ZNF730: variants seen among roughly 807,000 people sequenced by gnomAD.
The protein encoded by ZNF730 is putative zinc finger protein 730.
In ZNF730, 12 loss-of-function variants were observed where a neutral mutation model predicts 12.6. The observed-to-expected ratio is 0.95, with a 90% CI of 0.61 to 1.54. The LOEUF is 1.54. Ranked by LOEUF, ZNF730 falls within the 40% of genes most tolerant of loss-of-function variation. The pLI is 0.00. For missense variants in ZNF730, 643 were observed against 583.5 expected, an observed-to-expected ratio of 1.10 and a Z score of -1.05; for synonymous variants, 194 against 195.8, an observed-to-expected ratio of 0.99 and a Z score of 0.08.
chr19:23,128,328 G>C, intron 1 of ZNF730: 3 of 604,318 alleles, frequency 5.0e-6, no homozygotes, highest in South Asian at 4.9e-5. Context: ...ATGGTTACAG[G>C]AAACAGTTCT....
intron 1 of ZNF730, among the ~76,000 whole-genome samples, chr19:23,082,905 G>A (rs927330877): frequency 1.3e-5 from 2 of 151,926 alleles, no homozygotes; most frequent in Non-Finnish European, 2.9e-5. Flanking sequence ...CTGCACGTTG[G>A]TCAGGCTGGT....
intron 1 of ZNF730, among the ~76,000 whole-genome samples, chr19:23,102,444 T>C (rs1237267000): frequency 1.3e-5 from 2 of 152,116 alleles, no homozygotes; most frequent in Non-Finnish European, 2.9e-5. Context: ...GTAAAATGCC[T>C]TGGTCTAGCT....
intron 3 of ZNF730, 185 bp downstream of exon 3, chr19:23,136,228 T>A: frequency 2.8e-6 from 1 of 360,456 alleles, no homozygotes; most frequent in Non-Finnish European, 4.5e-6. Flanking sequence ...TTTTGTTTTA[T>A]CTTTTTTAAA....
At chr19:23,085,140 T>G (rs1437793445) in intron 1 of ZNF730, among the ~76,000 whole-genome samples, 1 of 152,216 alleles carries the variant, frequency 6.6e-6, no homozygotes, top group Non-Finnish European at 1.5e-5. Flanking sequence ...ATTTTGCTTT[T>G]TTAAAATAGC....
In ZNF730 at chr19:23,145,638, G is replaced by C. The variant is rs1414678151; in HGVS notation, c.594G>C (p.Glu198Asp). The part of the protein sequence containing the change: ...LAQHKKIHTG[E>D]KSYKCEEYGK... Reference sequence around the variant, plus strand: ...AACATAAAAAAATTCATACTGGAGAGAAATCCTACAAATGTGAAGAATATG... The same window carrying C: ...AACATAAAAAAATTCATACTGGAGACAAATCCTACAAATGTGAAGAATATG... The change falls in exon 4 of 4, where the codon GAG becomes GAC. Residue 198 changes from glutamate (E) to aspartate (D), a missense_variant. By Grantham distance (45) the Glu-to-Asp change is conservative. Coordinates refer to ENST00000597761, the MANE Select transcript of ZNF730 (RefSeq NM_001277403.2). 1 of 1,552,378 alleles carries C rather than the reference G, an allele frequency of 6.4e-7. No individual in the cohort carries two copies. The highest frequency in any genetic ancestry group is 1.2e-5 in the South Asian group (1 of 83,114).
intron 1 of ZNF730, among the ~76,000 whole-genome samples, chr19:23,088,959 A>G (rs1599569877): frequency 1.3e-5 from 2 of 148,270 alleles, no homozygotes; most frequent in African/African-American, 2.5e-5. Flanking sequence ...CACAACCTCC[A>G]CCTCCCGGGT....
intron 1 of ZNF730, among the ~76,000 whole-genome samples, chr19:23,131,756 C>T (rs373497315): frequency 5.0e-4 from 76 of 152,040 alleles, no homozygotes; most frequent in Non-Finnish European, 9.3e-4. Flanking sequence ...CTTTCAAAAC[C>T]TGCAGAATCA....
upstream of ZNF730, among the ~76,000 whole-genome samples, chr19:23,116,367 TTTTC>T (rs373696332): frequency 1.7e-3 from 256 of 148,872 alleles, no homozygotes; most frequent in African/African-American, 5.8e-3. Flanking sequence ...TCTTTCTCTC[TTTTC>T]TTTCTTTCTT....
chr19:23,133,547 G>T (rs1970774353), intron 1 of ZNF730, among the ~76,000 whole-genome samples: 1 of 152,054 alleles, frequency 6.6e-6, no homozygotes, highest in Non-Finnish European at 1.5e-5. Context: ...TCTCTGTGTT[G>T]GTCAGGCTGG....
At chr19:23,117,326 C>T (rs1187002630) in intron 1 of ZNF730, 150 bp downstream of exon 1, 9 of 1,463,872 alleles carry the variant, frequency 6.1e-6, no homozygotes, top group Non-Finnish European at 8.4e-6. Flanking sequence ...TCCCCTTCAG[C>T]CATACGATGG....
At chr19:23,090,682 C>T (rs915099411) in intron 1 of ZNF730, among the ~76,000 whole-genome samples, 2 of 152,112 alleles carry the variant, frequency 1.3e-5, no homozygotes, top group Non-Finnish European at 2.9e-5. Context: ...CCTCCCATCA[C>T]AGGCCCAGAG....
rs769567940 is a variant in ZNF730, at chr19:23,136,023, A to T, written c.206A>T (p.Asp69Val). Reference protein sequence around the residue: ...EKEPWNLKTHDMVAKPPVICS... With the variant: ...EKEPWNLKTHVMVAKPPVICS... ...GAGCCTTGGAATTTGAAGACACATG[A>T]TATGGTAGCCAAACCCCCAGGTAGG... Residue 69 changes from aspartate (D) to valine (V), a missense_variant, in exon 3 of 4, where the codon GAT becomes GTT. By Grantham distance (152) the Asp-to-Val change is radical (BLOSUM62 -3). Coordinates refer to ENST00000597761, the MANE Select transcript of ZNF730 (RefSeq NM_001277403.2). 18 of 1,605,790 alleles carry T rather than the reference A, an allele frequency of 1.1e-5. No individual in the cohort carries two copies. Among genetic ancestry groups the T allele is most frequent in the Non-Finnish European group, 1.4e-5 (17 of 1,175,742 alleles).
intron 3 of ZNF730, among the ~76,000 whole-genome samples, chr19:23,139,672 C>T (rs1970885996): frequency 6.6e-6 from 1 of 152,050 alleles, no homozygotes; most frequent in African/African-American, 2.4e-5. Context: ...CTACAGGCAC[C>T]TGCCACCATG....
intron 1 of ZNF730, chr19:23,128,395 C>A: frequency 2.2e-6 from 1 of 451,428 alleles, no homozygotes; most frequent in South Asian, 2.1e-5. Context: ...TAAGAAAGCT[C>A]ATGCTGCTAT....
chr19:23,082,832 G>A (rs1409167991), intron 1 of ZNF730, among the ~76,000 whole-genome samples: 1 of 152,008 alleles, frequency 6.6e-6, no homozygotes, highest in Non-Finnish European at 1.5e-5. Flanking sequence ...TTCCCAAGTA[G>A]CCGGGATTAC....
At chr19:23,109,029 G>A (rs1970428567) in intron 1 of ZNF730, among the ~76,000 whole-genome samples, 1 of 152,108 alleles carries the variant, frequency 6.6e-6, no homozygotes, top group Admixed American at 6.6e-5. Flanking sequence ...TGGGATTACA[G>A]GCATGAGCCA....
intron 1 of ZNF730, among the ~76,000 whole-genome samples, chr19:23,085,680 A>T (rs1970048897): frequency 7.0e-6 from 1 of 143,172 alleles, no homozygotes; most frequent in Non-Finnish European, 1.5e-5. Context: ...TTGGCTAATT[A>T]TTTTTTTGTA....
intron 3 of ZNF730, among the ~76,000 whole-genome samples, chr19:23,142,687 C>T (rs1423487823): frequency 2.6e-5 from 2 of 75,608 alleles, no homozygotes; most frequent in Admixed American, 1.6e-4. Context: ...GACTCTGTCT[C>T]AAAAAAAAAA....
intron 1 of ZNF730, among the ~76,000 whole-genome samples, chr19:23,128,909 T>G (rs1970706635): frequency 6.6e-6 from 1 of 152,178 alleles, no homozygotes; most frequent in African/African-American, 2.4e-5. Flanking sequence ...GCCTAGGGAC[T>G]TGGTATCCTG....
Sources: allele counts gnomAD v4.1 joint callset (sites outside exome capture counted in the v4.1 genomes callset), GRCh38; gene constraint gnomAD v4.1.1; transcripts MANE v1.5; gene names NCBI Gene and HGNC (gene_info 2026-07-23, HGNC 2026-07-21).